The following ZNF541 variants were observed in gnomAD, a reference collection of about 807,000 sequenced individuals.
The protein encoded by ZNF541 is zinc finger protein 541.
ZNF541 carries 23 observed loss-of-function variants against 123.5 expected under a neutral mutation model. The ratio of observed to expected loss-of-function variants is 0.19; its 90% CI spans 0.13 to 0.26. ZNF541 has a LOEUF of 0.26. Among genes scored for constraint, ZNF541 ranks in the 10% least tolerant of loss-of-function variants. The pLI, the probability that ZNF541 is intolerant of heterozygous loss-of-function variation, is 1.00. For missense variants in ZNF541, 1,612 were observed against 1,789.9 expected (o/e 0.90, Z 1.79); for synonymous variants, 751 against 754.5 (o/e 1.00, Z 0.08).
Position 47,544,744 on chromosome 19 carries a change from C to T in ZNF541, c.1785G>A (p.Gly595=). The T allele has an allele frequency of 1.3e-6, 2 of 1,500,656 alleles. No individual in the cohort carries two copies. The highest frequency in any genetic ancestry group is 4.2e-5 in the Admixed American group (2 of 47,174). The allele number at this position is 1,500,656 out of a possible 1,614,324, so 93.0% of individuals were successfully genotyped here. ...GKPAALRPLQ[G]PWPQQPPPLA... Reference sequence around the variant, plus strand: ...GTGGTGGGGGCTGCTGCGGCCACGGCCCCTGCAGCGGCCTCAGGGCGGCTG... The same window carrying T: ...GTGGTGGGGGCTGCTGCGGCCACGGTCCCTGCAGCGGCCTCAGGGCGGCTG... Residue 595 remains glycine (G), a synonymous_variant, in exon 5 of 17, where the codon GGG becomes GGA. Coordinates refer to ENST00000391901, the MANE Select transcript of ZNF541 (RefSeq NM_001277075.3).
At position 47,549,122 on chromosome 19, in the gene ZNF541, G is replaced by A. The variant is rs1291755016; in HGVS notation, c.548+123C>T. The A allele has an allele frequency of 1.9e-5, 26 of 1,352,160 alleles. No individual in the cohort carries two copies. The East Asian group carries it at 2.8e-4, about 15-fold the overall frequency. 83.8% of individuals were successfully genotyped at this position (1,352,160 alleles called of 1,614,324 possible). ...CTGCGGCTGAGCAGAGGTAATACAC[G>A]TCTGGAAAACCCAACAGAGGACGAG... On this transcript the variant is annotated intron_variant, in intron 4 of 16. Transcript: ENST00000391901.
intron 12 of ZNF541, 97 bp downstream of exon 12, chr19:47,531,545 T>G (rs914872221): frequency 4.2e-6 from 4 of 945,546 alleles, no homozygotes; most frequent in Non-Finnish European, 6.0e-6. Context: ...TTCTTCCAGC[T>G]TCCATCCGCT....
intron 2 of ZNF541, among the ~76,000 whole-genome samples, chr19:47,568,887 G>T (rs1219588296): frequency 6.6e-6 from 1 of 152,066 alleles, no homozygotes; most frequent in African/African-American, 2.4e-5. Flanking sequence ...GGCCAGGCTG[G>T]TCTCAAACTC....
In ZNF541 at chr19:47,540,349, C is replaced by A; in HGVS notation, c.2463-14G>T. 6.5e-7 allele frequency: 1 copy of A among 1,546,532 alleles called. No homozygotes were observed. The highest frequency in any genetic ancestry group is 1.7e-4 in the Middle Eastern group (1 of 5,952). ...TTTTGCTGGTTACTGTGGGACATGGCAGGAAAGAAGAGTGGGAGATTAGGA... is the reference window on the plus strand; with the variant it reads ...TTTTGCTGGTTACTGTGGGACATGGAAGGAAAGAAGAGTGGGAGATTAGGA... On this transcript the variant is annotated splice_polypyrimidine_tract_variant and intron_variant, in intron 6 of 16. Coordinates refer to ENST00000391901, the MANE Select transcript of ZNF541 (RefSeq NM_001277075.3).
At position 47,555,712 on chromosome 19, in the gene ZNF541, G is replaced by C; in HGVS notation, c.145C>G (p.Leu49Val). Residue 49 changes from leucine (L) to valine (V), a missense_variant, in exon 3 of 17, where the codon CTG (leucine) becomes GTG (valine). By Grantham distance (32) the Leu-to-Val change is conservative. Transcript: ENST00000391901. The part of the protein sequence containing the change: ...PNTRGFLYAG[L>V]SGLDPDPSLP... ...CTGGGGTCCGGGTCCAGACCACTCA[G>C]GCCAGCATAAAGAAAGCCTCGCGTG... is the stretch of plus-strand genomic sequence containing the variant. The C allele has an allele frequency of 1.3e-6, 2 of 1,551,760 alleles. No individual in the cohort carries two copies. Among genetic ancestry groups the C allele is most frequent in the Non-Finnish European group, 1.7e-6 (2 of 1,147,016 alleles).
intron 11 of ZNF541, 57 bp from the exon 12 acceptor site, chr19:47,531,802 G>A: frequency 7.0e-7 from 1 of 1,437,338 alleles, no homozygotes. Flanking sequence ...CAGGTGCTAG[G>A]GAGGAACCTT....
At position 47,555,872 on chromosome 19, in the gene ZNF541, G is replaced by A. The variant is rs897732665; in HGVS notation, c.-16C>T. The A allele has an allele frequency of 1.1e-5, 17 of 1,535,418 alleles. No individual in the cohort carries two copies. Among genetic ancestry groups the A allele is most frequent in the Non-Finnish European group, 1.4e-5 (16 of 1,137,156 alleles). The stretch of plus-strand genomic sequence containing the variant: ...ACTGGTCCATGGCTCTCCACTGCCA[G>A]GTCTTGGCCAAAAGCTACTCTCCAG... On this transcript the variant is annotated 5_prime_UTR_variant, in exon 3 of 17. Transcript: ENST00000391901.
rs138724278 is a variant in ZNF541 at position 47,524,243 on chromosome 19, C to T, written c.3571-2249G>A. Among the ~76,000 whole-genome samples, 827 of 152,320 alleles carry T rather than the reference C, an allele frequency of 5.4e-3. 5 individuals carry two copies. Among genetic ancestry groups the T allele is most frequent in the Non-Finnish European group, 9.4e-3 (641 of 68,034 alleles). On this transcript the variant is annotated intron_variant, in intron 14 of 16. Transcript: ENST00000391901. ...TCCAGCATCCAACAGCTAACATTCA[C>T]AATGCCCGTGATCTGGTGAAAATCA...
intron 2 of ZNF541, among the ~76,000 whole-genome samples, chr19:47,571,194 C>A (rs1971465614): frequency 6.6e-6 from 1 of 151,566 alleles, no homozygotes; most frequent in Non-Finnish European, 1.5e-5. Flanking sequence ...CTCACCACAA[C>A]CTCCGCCTCC....
At chr19:47,536,895 CG>C (rs1409084470) in intron 9 of ZNF541, among the ~76,000 whole-genome samples, 1 of 152,154 alleles carries the variant, frequency 6.6e-6, no homozygotes, top group Non-Finnish European at 1.5e-5. Context: ...GAAAAATGTT[CG>C]GCCATAAAAA....
In ZNF541 at chr19:47,571,182, G is replaced by A. The variant is rs180755543; in HGVS notation, c.-99+714C>T. ...GGTTGGAGTGCAGTGGTGCAATCTC[G>A]GCTCACCACAACCTCCGCCTCCCAG... is the stretch of plus-strand genomic sequence containing the variant. On this transcript the variant is annotated intron_variant, in intron 2 of 16. Transcript: ENST00000391901. Among the ~76,000 whole-genome samples, 828 of 150,978 alleles carry A rather than the reference G, an allele frequency of 5.5e-3. 5 individuals are homozygous for A. Among genetic ancestry groups the A allele is most frequent in the Non-Finnish European group, 9.5e-3 (641 of 67,816 alleles).
intron 2 of ZNF541, among the ~76,000 whole-genome samples, chr19:47,556,369 C>T (rs1469032502): frequency 6.6e-6 from 1 of 152,214 alleles, no homozygotes; most frequent in African/African-American, 2.4e-5. Flanking sequence ...AAATCAGAAT[C>T]AGATACAGGG....
chr19:47,532,300 G>A (rs1969609475), intron 10 of ZNF541, 30 bp from the exon 11 acceptor site: 1 of 1,549,836 alleles, frequency 6.5e-7, no homozygotes, highest in Non-Finnish European at 8.7e-7. Context: ...AGATAAGGGA[G>A]ACGTACAAAC....
At position 47,544,355 on chromosome 19, in the gene ZNF541, G is replaced by A; in HGVS notation, c.2174C>T (p.Ala725Val). The A allele has an allele frequency of 6.4e-7, 1 of 1,551,628 alleles. No homozygotes were observed. The highest frequency in any genetic ancestry group is 8.7e-7 in the Non-Finnish European group (1 of 1,147,010). ...GKQAPAENGA[A>V]SRITKGEKGP... ...CTTTTCACCTTTTGTGATCCTTGAA[G>A]CCGCGCCATTCTCGGCTGGGGCCTG... is the stretch of plus-strand genomic sequence containing the variant. Residue 725 changes from alanine (A) to valine (V), a missense_variant, in exon 5 of 17, where the codon GCT (alanine) becomes GTT (valine). Ala to Val is a moderately conservative substitution (Grantham distance 64). Around this residue, in one of 5 missense-constraint regions of ZNF541, gnomAD observed 1,080 missense variants for 1,013.8 expected, o/e 1.07. Transcript: ENST00000391901.
chr19:47,563,858 G>A (rs376059515), intron 2 of ZNF541, among the ~76,000 whole-genome samples: 5 of 152,090 alleles, frequency 3.3e-5, no homozygotes, highest in Non-Finnish European at 7.4e-5. Context: ...CACCCGCCTC[G>A]GCCTCCCAAA....
chr19:47,536,262 TGTTTATGGCCAGTTTTGGGGCCA>T (rs901947936), intron 9 of ZNF541, among the ~76,000 whole-genome samples: 5 of 152,178 alleles, frequency 3.3e-5, no homozygotes, highest in African/African-American at 9.7e-5. Context: ...GCAGAGATTT[TGTTTATGGCCAGTTTTGGGGCCA>T]GTTTATGGCC....
intron 2 of ZNF541, among the ~76,000 whole-genome samples, chr19:47,567,905 T>C (rs1024161436): frequency 6.6e-5 from 10 of 152,112 alleles, no homozygotes; most frequent in Non-Finnish European, 1.0e-4. Flanking sequence ...GAGATTAATT[T>C]CTCCCTCCTC....
rs1358226560 is a variant in ZNF541, at chr19:47,521,936, A to G, written c.3629T>C (p.Ile1210Thr). 5.2e-6 allele frequency: 8 copies of G among 1,551,648 alleles called. No homozygotes were observed. The highest frequency in any genetic ancestry group is 7.0e-6 in the Non-Finnish European group (8 of 1,147,018). Residue 1210 changes from isoleucine to threonine, a missense_variant, in exon 15 of 17, where the codon ATC becomes ACC. Physicochemically the swap from Ile to Thr is moderately conservative, Grantham distance 89. Coordinates refer to ENST00000391901, the MANE Select transcript of ZNF541 (RefSeq NM_001277075.3). This position sits in a 1 kb window ranked among gnomAD's most constrained non-coding sequence, Gnocchi z 4.2. ...VEYYYIWKKM[I>T]KFDCGRAPGL... Reference sequence around the variant, plus strand: ...TGGGGCTCGGCCACAGTCAAACTTGATCATTTTTTTCCAGATGTAATAATA... The same window carrying G: ...TGGGGCTCGGCCACAGTCAAACTTGGTCATTTTTTTCCAGATGTAATAATA...
chr19:47,554,816 G>A lies in ZNF541; in HGVS notation c.307+734C>T, dbSNP rs559838201. ...TTTCCTTTACTAAGAATTGGGGGCC[G>A]AGTGTGGTGGCTCACGCCTGCAATC... On this transcript the variant is annotated intron_variant, in intron 3 of 16. Coordinates refer to ENST00000391901, the MANE Select transcript of ZNF541 (RefSeq NM_001277075.3). Among the ~76,000 whole-genome samples the A allele has an allele frequency of 9.8e-5, 15 of 152,310 alleles. No homozygotes were observed. In the South Asian group the frequency reaches 2.1e-3, roughly 21 times the overall value.
Sources: allele counts gnomAD v4.1 joint callset (sites outside exome capture counted in the v4.1 genomes callset), GRCh38; gene constraint gnomAD v4.1.1; regional missense constraint gnomAD v4.1.1; non-coding constraint Gnocchi (gnomAD v3.1); transcripts MANE v1.5; gene names NCBI Gene and HGNC (gene_info 2026-07-23, HGNC 2026-07-21).